Variants in HMG20B observed in about 807,000 individuals in gnomAD.
HMG20B encodes SWI/SNF-related matrix-associated actin-dependent regulator of chromatin subfamily E member 1-related.
Under a neutral mutation model 41.6 loss-of-function variants are expected in HMG20B, and 24 were observed. The ratio of observed to expected loss-of-function variants is 0.58; its 90% CI spans 0.42 to 0.81. The LOEUF (loss-of-function observed/expected upper bound fraction) is 0.81. Ranked by LOEUF, HMG20B falls within the 30% of genes least tolerant of loss-of-function variation. The pLI is 0.00. For synonymous variants in HMG20B, 251 were observed against 186.6 expected (o/e 1.34, Z -2.81); for missense variants, 461 against 444.0 (o/e 1.04, Z -0.34).
chr19:3,578,853 C>T lies in HMG20B; in HGVS notation c.*332C>T, dbSNP rs1177489716. On this transcript the variant is annotated 3_prime_UTR_variant, in exon 10 of 10. Transcript: ENST00000333651. ...GCAGACGAAACCCACCCCCAGCACA[C>T]GGCAGGACCCCCCAAATTACTCACT... The T allele has an allele frequency of 4.9e-6, 3 of 610,622 alleles. No homozygotes were observed. Among genetic ancestry groups the T allele is most frequent in the African/African-American group, 1.8e-5 (1 of 55,168 alleles). 37.8% of individuals were successfully genotyped at this position (610,622 alleles called of 1,614,324 possible). A position where few individuals can be genotyped will look rare whatever the true frequency, so the allele number is the denominator to read the frequency against.
intron 3 of HMG20B, 33 bp from the exon 4 acceptor site, chr19:3,574,350 C>G (rs758817885): frequency 9.1e-6 from 14 of 1,546,614 alleles, no homozygotes; most frequent in African/African-American, 2.7e-5. Flanking sequence ...GTACGCCAGG[C>G]CCCCCTCCCA....
intron 2 of HMG20B, 109 bp from the exon 3 acceptor site, chr19:3,573,583 A>G (rs2032088331): frequency 1.9e-6 from 2 of 1,053,896 alleles, no homozygotes; most frequent in African/African-American, 1.6e-5. Flanking sequence ...CCTCGGGCTC[A>G]TGCACTCTCG....
At chr19:3,577,789 A>C (rs1209801550) in intron 8 of HMG20B, among the ~76,000 whole-genome samples, 192 bp from the exon 9 acceptor site, 1 of 116,826 alleles carries the variant, frequency 8.6e-6, no homozygotes, top group African/African-American at 3.4e-5. Flanking sequence ...CCGCGTCCCC[A>C]CCCTGTCCCC....
At chr19:3,578,165 C>T in intron 9 of HMG20B, 52 bp downstream of exon 9, 1 of 1,589,396 alleles carries the variant, frequency 6.3e-7, no homozygotes, top group East Asian at 2.3e-5. Flanking sequence ...CCGGATGTGC[C>T]CGCCCTGGGG....
intron 5 of HMG20B, chr19:3,576,047 C>T (rs1227374900): frequency 5.0e-6 from 3 of 596,332 alleles, no homozygotes; most frequent in African/African-American, 3.7e-5. Context: ...GGCAGGGCCT[C>T]CCTCCGTGGG....
At chr19:3,573,435 G>A in intron 2 of HMG20B, 88 bp downstream of exon 2, 3 of 1,353,974 alleles carry the variant, frequency 2.2e-6, no homozygotes, top group Non-Finnish European at 2.9e-6. Context: ...CCCTCCCGCC[G>A]GAGTCTTGAC....
chr19:3,578,392 C>A (rs2032220491), intron 9 of HMG20B, 117 bp from the exon 10 acceptor site: 3 of 1,392,250 alleles, frequency 2.2e-6, no homozygotes, highest in East Asian at 5.1e-5. Flanking sequence ...CGCCTGTCCC[C>A]CAACCCTGGC....
intron 5 of HMG20B, 182 bp downstream of exon 5, chr19:3,575,842 G>GCTCA: frequency 5.4e-6 from 3 of 553,470 alleles, no homozygotes; most frequent in Non-Finnish European, 9.6e-6. Flanking sequence ...TACTCGGGAG[G>GCTCA]CTGAGGCAGG....
Position 3,573,361 on chromosome 19 carries a change from T to TC in HMG20B, c.38+18dup. The TC allele has an allele frequency of 6.6e-7, 1 of 1,526,470 alleles. No homozygotes were observed. The highest frequency in any genetic ancestry group is 2.0e-5 in the Admixed American group (1 of 50,058). The allele number at this position is 1,526,470 out of a possible 1,614,324, so 94.6% of individuals were successfully genotyped here. ...CGCGGCCGCCGCGTGAGTGCACTGA[T>TC]CCCCTCCCCACGCCCTCGCTACTTT... On this transcript the variant is annotated intron_variant, in intron 2 of 9. Coordinates refer to ENST00000333651, the MANE Select transcript of HMG20B (RefSeq NM_006339.3).
chr19:3,577,376 C>G (rs10402774), intron 8 of HMG20B, among the ~76,000 whole-genome samples: 54,648 of 145,984 alleles, frequency 0.37, 11,808 homozygotes, highest in East Asian at 0.95. Context: ...ACTCGGCCGG[C>G]TCCCTGACCT....
rs547986751 is a variant in HMG20B at position 3,573,460 on chromosome 19, CA to C, written c.38+114del. 1,192 of 1,172,242 alleles carry C rather than the reference CA, an allele frequency of 1.0e-3. 8 individuals are homozygous for C. The African/African-American group carries it at 0.018, about 17-fold the overall frequency. 72.6% of individuals were successfully genotyped at this position (1,172,242 alleles called of 1,614,324 possible). On this transcript the variant is annotated intron_variant, in intron 2 of 9. Transcript: ENST00000333651. ...GGAGTCTTGACTCCCCCACCTGGGT[CA>C]GGGGGCTTCTCCCTCCACCCAATTC...
rs551172782 is a variant in HMG20B at position 3,573,602 on chromosome 19, C to T, written c.39-90C>T. ...GGGCTCATGCACTCTCGCTGCAGCC[C>T]CGCCGTCGGGGGTCAAAACGCCCTG... On this transcript the variant is annotated intron_variant, in intron 2 of 9. Coordinates refer to ENST00000333651, the MANE Select transcript of HMG20B (RefSeq NM_006339.3). 8.5e-4 allele frequency: 1,027 copies of T among 1,204,238 alleles called. 2 individuals carry two copies. Among genetic ancestry groups the T allele is most frequent in the Non-Finnish European group, 1.1e-3 (960 of 897,408 alleles). The allele number at this position is 1,204,238 out of a possible 1,614,324, so 74.6% of individuals were successfully genotyped here.
In HMG20B at chr19:3,573,775, G is replaced by T; in HGVS notation, c.122G>T (p.Gly41Val). 2 of 1,577,814 alleles carry T rather than the reference G, an allele frequency of 1.3e-6. No individual in the cohort carries two copies. Among genetic ancestry groups the T allele is most frequent in the Non-Finnish European group, 1.7e-6 (2 of 1,165,172 alleles). The part of the protein sequence containing the change: ...KQERGEGPRA[G>V]EKGSHEEEPV... Reference sequence around the variant, plus strand: ...GAGCGCGGCGAGGGTCCACGCGCGGGCGAGAAGGGGTCCCACGAGGAGGAG... The same window carrying T: ...GAGCGCGGCGAGGGTCCACGCGCGGTCGAGAAGGGGTCCCACGAGGAGGAG... Residue 41 changes from glycine to valine, a missense_variant, in exon 3 of 10, where the codon GGC (glycine) becomes GTC (valine). Physicochemically the swap from Gly to Val is moderately radical, Grantham distance 109. Around this residue, in one of 3 missense-constraint regions of HMG20B, gnomAD observed 104 missense variants for 76.5 expected, o/e 1.36. Coordinates refer to ENST00000333651, the MANE Select transcript of HMG20B (RefSeq NM_006339.3).
Position 3,578,497 on chromosome 19 carries a change from C to G in HMG20B, c.942-12C>G. On this transcript the variant is annotated splice_polypyrimidine_tract_variant and intron_variant, in intron 9 of 9. Coordinates refer to ENST00000333651, the MANE Select transcript of HMG20B (RefSeq NM_006339.3). ...TGAGGGCCTCATCCCGGGCCCTCCTCTCTCGTTTCAGCGAGCACCTGTGAG... is the reference window on the plus strand; with the variant it reads ...TGAGGGCCTCATCCCGGGCCCTCCTGTCTCGTTTCAGCGAGCACCTGTGAG... 1 of 1,541,584 alleles carries G rather than the reference C, an allele frequency of 6.5e-7. No individual in the cohort carries two copies. The highest frequency in any genetic ancestry group is 2.4e-5 in the East Asian group (1 of 42,272).
chr19:3,573,961 G>A (rs1027565768), intron 3 of HMG20B, 161 bp downstream of exon 3: 1 of 736,898 alleles, frequency 1.4e-6, no homozygotes, highest in Non-Finnish European at 2.4e-6. Context: ...CCCCTGACAG[G>A]TCCTCTGCCA....
intron 5 of HMG20B, 84 bp downstream of exon 5, chr19:3,575,744 CCAG>C: frequency 8.4e-7 from 1 of 1,184,060 alleles, no homozygotes; most frequent in South Asian, 1.4e-5. Flanking sequence ...TGAGGTCAGA[CCAG>C]CCTGGCCAAC....
At chr19:3,574,667 C>A in intron 4 of HMG20B, 81 bp downstream of exon 4, 1 of 1,272,774 alleles carries the variant, frequency 7.9e-7, no homozygotes, top group Non-Finnish European at 1.1e-6. Flanking sequence ...AAGGATTCCA[C>A]GTGCAGGGTT....
At chr19:3,575,478 A>G (rs1169964531) in intron 4 of HMG20B, 62 bp from the exon 5 acceptor site, 4 of 1,549,410 alleles carry the variant, frequency 2.6e-6, no homozygotes, top group African/African-American at 1.4e-5. Flanking sequence ...GCAGAGTGAT[A>G]AAGACTGGAT....
chr19:3,575,338 A>G (rs988827001), intron 4 of HMG20B, among the ~76,000 whole-genome samples: 5 of 152,046 alleles, frequency 3.3e-5, no homozygotes, highest in African/African-American at 1.2e-4. Context: ...GAGGTGGGGA[A>G]GAGTCCGGGG....
Sources: allele counts gnomAD v4.1 joint callset (sites outside exome capture counted in the v4.1 genomes callset), GRCh38; gene constraint gnomAD v4.1.1; regional missense constraint gnomAD v4.1.1; transcripts MANE v1.5; gene names NCBI Gene and HGNC (gene_info 2026-07-23, HGNC 2026-07-21).